The following CUL3 variants were observed in gnomAD, a reference collection of about 807,000 sequenced individuals.
CUL3 encodes the protein cullin-3.
Under a neutral mutation model 89.1 loss-of-function variants are expected in CUL3, and 19 were observed. The observed-to-expected ratio is 0.21, with a 90% CI of 0.15 to 0.31. The LOEUF (loss-of-function observed/expected upper bound fraction) is 0.31, where lower values mean the gene tolerates loss of function less well. Among genes scored for constraint, CUL3 ranks in the 10% least tolerant of loss-of-function variants. CUL3 has a pLI of 1.00. For missense variants in CUL3, 469 were observed against 942.3 expected, an observed-to-expected ratio of 0.50 and a Z score of 6.58; for synonymous variants, 351 against 308.4, an observed-to-expected ratio of 1.14 and a Z score of -1.45.
Position 224,506,962 on chromosome 2 carries a change from C to A in CUL3, c.925G>T (p.Gly309Cys), listed in dbSNP as rs773408853. The change falls in exon 7 of 16, where the codon GGT becomes TGT. Residue 309 changes from glycine (G) to cysteine (C), a missense_variant. Gly to Cys is a radical substitution (Grantham distance 159). This residue lies in a region of CUL3 where 370 missense variants were observed against 733.2 expected (regional missense o/e 0.50). Transcript: ENST00000264414. ...ATACACTCACACATTGTTTTCAAAC[C>A]ATTTGGCACACGACTAAATAACTTG... ...MYKLFSRVPN[G>C]LKTMCECMSS... The A allele has an allele frequency of 6.2e-7, 1 of 1,613,448 alleles. No individual in the cohort carries two copies. The highest frequency in any genetic ancestry group is 8.5e-7 in the Non-Finnish European group (1 of 1,179,652).
At chr2:224,558,442 AAAT>A (rs1357274549) in intron 1 of CUL3, among the ~76,000 whole-genome samples, 1 of 152,176 alleles carries the variant, frequency 6.6e-6, no homozygotes, top group Non-Finnish European at 1.5e-5. Context: ...TCCACTGAGA[AAAT>A]AAAAACAACC....
At chr2:224,567,858 G>C (rs993457837) in intron 1 of CUL3, among the ~76,000 whole-genome samples, 1 of 152,010 alleles carries the variant, frequency 6.6e-6, no homozygotes, top group Non-Finnish European at 1.5e-5. Flanking sequence ...GGCACACCAT[G>C]ACCCTGTTCA....
intron 10 of CUL3, 103 bp from the exon 11 acceptor site, chr2:224,500,590 T>C (rs1166186324): frequency 1.0e-6 from 1 of 992,376 alleles, no homozygotes; most frequent in East Asian, 2.8e-5. Flanking sequence ...TAGCTCCATG[T>C]CTAATATCTA....
At chr2:224,559,297 T>A (rs1487256053) in intron 1 of CUL3, among the ~76,000 whole-genome samples, 2 of 150,924 alleles carry the variant, frequency 1.3e-5, no homozygotes, top group African/African-American at 2.4e-5. Flanking sequence ...AAAAAAATTT[T>A]TTAAGAATTA....
chr2:224,536,740 C>G (rs561035926), intron 2 of CUL3, among the ~76,000 whole-genome samples: 34 of 152,326 alleles, frequency 2.2e-4, no homozygotes, highest in South Asian at 1.9e-3. Flanking sequence ...CCACAGTCCA[C>G]AAGCTTAGTA....
Position 224,506,050 on chromosome 2 carries a change from G to A in CUL3, c.1112C>T (p.Ala371Val), listed in dbSNP as rs2106203325. ...NNDRLFKQTI[A>V]GDFEYFLNLN... ...GTTGAGAAAATACTCAAAGTCACCC[G>A]CAATAGTTTGTTTAAAGAGACGGTC... Residue 371 changes from alanine to valine, a missense_variant, in exon 8 of 16, where the codon GCG (alanine) becomes GTG (valine). This residue lies in a region of CUL3 where 370 missense variants were observed against 733.2 expected (regional missense o/e 0.50). Coordinates refer to ENST00000264414, the MANE Select transcript of CUL3 (RefSeq NM_003590.5). 1.9e-6 allele frequency: 3 copies of A among 1,612,394 alleles called. No individual in the cohort carries two copies. Among genetic ancestry groups the A allele is most frequent in the Admixed American group, 1.7e-5 (1 of 59,946 alleles).
chr2:224,525,750 T>A (rs1331161267), intron 3 of CUL3, among the ~76,000 whole-genome samples: 1 of 152,218 alleles, frequency 6.6e-6, no homozygotes, highest in African/African-American at 2.4e-5. Context: ...AGGCTTATAT[T>A]AACCTACTTG....
chr2:224,556,006 T>C (rs1694696910), intron 2 of CUL3, among the ~76,000 whole-genome samples: 5 of 152,150 alleles, frequency 3.3e-5, no homozygotes, highest in Non-Finnish European at 4.4e-5. Flanking sequence ...CTGTGCATAA[T>C]AGGCACTTAA....
chr2:224,476,272 C>T (rs954711718), intron 15 of CUL3, among the ~76,000 whole-genome samples: 1 of 152,140 alleles, frequency 6.6e-6, no homozygotes, highest in Admixed American at 6.5e-5. Context: ...CCACCTTGGC[C>T]TCCCAAGGTG....
intron 1 of CUL3, among the ~76,000 whole-genome samples, chr2:224,565,338 T>C (rs1050718510): frequency 1.3e-5 from 2 of 152,038 alleles, no homozygotes; most frequent in Non-Finnish European, 2.9e-5. Context: ...TCACATTCAG[T>C]AGGCTGAGGT....
chr2:224,508,859 G>C (rs932592775), intron 6 of CUL3, among the ~76,000 whole-genome samples: 1 of 151,390 alleles, frequency 6.6e-6, no homozygotes. Flanking sequence ...CTACTCATGA[G>C]GCTGAGGCAG....
intron 11 of CUL3, 44 bp downstream of exon 11, chr2:224,500,319 A>T (rs754924619): frequency 6.3e-7 from 1 of 1,597,276 alleles, no homozygotes; most frequent in Non-Finnish European, 8.6e-7. Flanking sequence ...TTAATTTTGA[A>T]CACTTACTTG....
intron 13 of CUL3, among the ~76,000 whole-genome samples, chr2:224,491,728 C>A (rs909327979): frequency 6.6e-6 from 1 of 152,106 alleles, no homozygotes; most frequent in Non-Finnish European, 1.5e-5. Context: ...GCATTAAGGG[C>A]AATCCATTCT....
At chr2:224,487,690 A>G (rs1691786367) in intron 13 of CUL3, among the ~76,000 whole-genome samples, 1 of 152,212 alleles carries the variant, frequency 6.6e-6, no homozygotes, top group African/African-American at 2.4e-5. Context: ...AATATTAGAC[A>G]GATCAATGAG....
intron 3 of CUL3, 120 bp downstream of exon 3, chr2:224,535,408 G>A (rs975364981): frequency 2.5e-5 from 15 of 590,838 alleles, no homozygotes; most frequent in African/African-American, 2.3e-4. Flanking sequence ...GACCTTAAAT[G>A]ATATGCCCAC....
intron 14 of CUL3, chr2:224,480,177 T>G (rs902366873): frequency 6.6e-6 from 1 of 152,544 alleles, no homozygotes; most frequent in Non-Finnish European, 1.5e-5. Flanking sequence ...TTAATCTAAT[T>G]CTTTTCAAAG....
chr2:224,578,260 G>T (rs375492736), intron 1 of CUL3, among the ~76,000 whole-genome samples: 2 of 152,042 alleles, frequency 1.3e-5, no homozygotes, highest in Non-Finnish European at 2.9e-5. Flanking sequence ...TTTGGCAATA[G>T]GGAAATGGTT....
At chr2:224,542,316 T>C (rs1037102903) in intron 2 of CUL3, among the ~76,000 whole-genome samples, 3 of 152,192 alleles carry the variant, frequency 2.0e-5, no homozygotes, top group Non-Finnish European at 1.5e-5. Context: ...GGAATTACTG[T>C]CAAAAGGAAA....
At chr2:224,514,052 A>G (rs1370692942) in intron 4 of CUL3, among the ~76,000 whole-genome samples, 1 of 152,198 alleles carries the variant, frequency 6.6e-6, no homozygotes, top group Non-Finnish European at 1.5e-5. Context: ...AAGACGAAAT[A>G]AAAAGAACTT....
Sources: gnomAD v4.1 joint callset for allele counts (sites outside exome capture counted in the v4.1 genomes callset) on GRCh38, gnomAD v4.1.1 for gene constraint, gnomAD v4.1.1 regional missense constraint, MANE v1.5 for transcripts, NCBI Gene and HGNC (gene_info 2026-07-23, HGNC 2026-07-21) for gene names.